The following DLG2 variants were observed in gnomAD, a reference collection of about 807,000 sequenced individuals.
DLG2 encodes the protein discs large MAGUK scaffold protein 2.
A neutral mutation model predicts 132.5 loss-of-function variants in DLG2; 45 were observed. The ratio of observed to expected loss-of-function variants is 0.34; its 90% CI spans 0.27 to 0.44. The LOEUF is 0.44. Among genes scored for constraint, DLG2 ranks in the 20% least tolerant of loss-of-function variants. The pLI is 1.00. For synonymous variants in DLG2, 424 were observed against 419.6 expected, an observed-to-expected ratio of 1.01 and a Z score of -0.13; for missense variants, 1,045 against 1,196.9, an observed-to-expected ratio of 0.87 and a Z score of 1.87.
intron 3 of DLG2, among the ~76,000 whole-genome samples, chr11:85,501,082 T>C (rs894701862): frequency 4.6e-5 from 7 of 151,848 alleles, no homozygotes; most frequent in East Asian, 1.9e-4. Context: ...TATAAACCAA[T>C]GGAATAGAAC....
intron 6 of DLG2, among the ~76,000 whole-genome samples, chr11:85,003,721 T>A (rs2058404465): frequency 6.6e-6 from 1 of 152,066 alleles, no homozygotes. Flanking sequence ...ATATTTAGAA[T>A]GTCTATTTTT....
chr11:85,200,284 G>A (rs1375788416), intron 4 of DLG2, among the ~76,000 whole-genome samples: 1 of 152,158 alleles, frequency 6.6e-6, no homozygotes, highest in Non-Finnish European at 1.5e-5. Flanking sequence ...TCTGACACGG[G>A]GTTGAGATGG....
chr11:83,482,987 A>T (rs2093243849), intron 22 of DLG2, among the ~76,000 whole-genome samples: 1 of 152,178 alleles, frequency 6.6e-6, no homozygotes, highest in Admixed American at 6.5e-5. Context: ...CATCAGGACC[A>T]TGTTGATAAT....
rs2099700764 is a variant in DLG2, at chr11:84,667,409, CAA to C, written c.358-132680_358-132679del. ...TATGAATTCATGTATCATTCTTAGA[CAA>C]AGTCTTTAAAATAAAAAAATTGAGA... On this transcript the variant is annotated intron_variant, in intron 6 of 27. Transcript: ENST00000376104. Among the ~76,000 whole-genome samples the C allele has an allele frequency of 2.7e-5, 4 of 147,698 alleles. No individual in the cohort carries two copies. In the South Asian group the frequency reaches 6.4e-4, roughly 24 times the overall value.
chr11:83,947,248 T>A (rs367701096), intron 14 of DLG2, among the ~76,000 whole-genome samples: 2 of 149,518 alleles, frequency 1.3e-5, no homozygotes, highest in African/African-American at 2.4e-5. Flanking sequence ...ATTTTTTTTT[T>A]AAGTTTTTAA....
At chr11:85,335,558 A>G (rs1201539278) in intron 3 of DLG2, among the ~76,000 whole-genome samples, 2 of 147,400 alleles carry the variant, frequency 1.4e-5, no homozygotes, top group East Asian at 2.0e-4. Flanking sequence ...CTGATCTTCT[A>G]TTTCCATGTT....
chr11:83,627,753 G>A (rs1390581665), intron 19 of DLG2, among the ~76,000 whole-genome samples: 1 of 152,106 alleles, frequency 6.6e-6, no homozygotes, highest in Admixed American at 6.5e-5. Flanking sequence ...TAGGTCAAAT[G>A]GTATTTCTAG....
At chr11:84,016,779 A>G (rs1701644410) in intron 11 of DLG2, among the ~76,000 whole-genome samples, 3 of 152,088 alleles carry the variant, frequency 2.0e-5, no homozygotes, top group Admixed American at 1.3e-4. Flanking sequence ...AGAGGAAACA[A>G]AGGACAAGAG....
intron 17 of DLG2, among the ~76,000 whole-genome samples, chr11:83,822,911 AAAG>A (rs1485623241): frequency 6.6e-6 from 1 of 152,106 alleles, no homozygotes; most frequent in Non-Finnish European, 1.5e-5. Flanking sequence ...GCTTGTCATG[AAAG>A]AAGGAGGCCT....
At chr11:83,919,590 A>G (rs1221401422) in intron 15 of DLG2, among the ~76,000 whole-genome samples, 1 of 152,154 alleles carries the variant, frequency 6.6e-6, no homozygotes, top group African/African-American at 2.4e-5. Flanking sequence ...GAAACTCTCT[A>G]GGTCCAGTGG....
At chr11:84,891,353 A>C (rs761720652) in intron 6 of DLG2, among the ~76,000 whole-genome samples, 1 of 152,156 alleles carries the variant, frequency 6.6e-6, no homozygotes, top group Non-Finnish European at 1.5e-5. Context: ...ATCTTCAATA[A>C]ATGTGTTAAT....
At chr11:83,789,895 C>G in intron 17 of DLG2, 2 of 681,670 alleles carry the variant, frequency 2.9e-6, no homozygotes, top group Non-Finnish European at 4.4e-6. Flanking sequence ...ATTTTGATGG[C>G]AATGAAAGTT....
intron 6 of DLG2, among the ~76,000 whole-genome samples, chr11:85,078,472 G>C (rs1423383359): frequency 6.6e-6 from 1 of 151,776 alleles, no homozygotes; most frequent in African/African-American, 2.4e-5. Flanking sequence ...TGAAGTGAAG[G>C]AAAAGGGAAA....
chr11:85,561,562 G>A (rs114217302), intron 3 of DLG2, among the ~76,000 whole-genome samples: 2 of 151,654 alleles, frequency 1.3e-5, no homozygotes, highest in African/African-American at 4.8e-5. Context: ...TGAAGTAATA[G>A]TACAATGAAG....
intron 21 of DLG2, among the ~76,000 whole-genome samples, chr11:83,516,985 T>A (rs1466171127): frequency 2.0e-5 from 3 of 152,360 alleles, no homozygotes; most frequent in African/African-American, 7.2e-5. Context: ...CTTTGGTGAA[T>A]CTGACAATTA....
chr11:84,868,771 T>C (rs1420915430), intron 6 of DLG2, among the ~76,000 whole-genome samples: 1 of 152,106 alleles, frequency 6.6e-6, no homozygotes, highest in Non-Finnish European at 1.5e-5. Flanking sequence ...ACAAAACAAA[T>C]GACTACAAAG....
At chr11:83,774,245 G>A (rs1408398975) in intron 18 of DLG2, among the ~76,000 whole-genome samples, 1 of 152,168 alleles carries the variant, frequency 6.6e-6, no homozygotes, top group African/African-American at 2.4e-5. Flanking sequence ...GTTTTCTCAA[G>A]TTCCATTCCT....
At chr11:84,867,180 A>T (rs1197362615) in intron 6 of DLG2, among the ~76,000 whole-genome samples, 2 of 152,222 alleles carry the variant, frequency 1.3e-5, no homozygotes, top group African/African-American at 4.8e-5. Context: ...CAGTAGAGTG[A>T]GAGACACATA....
chr11:84,965,656 A>C (rs1183377288), intron 6 of DLG2, among the ~76,000 whole-genome samples: 1 of 152,140 alleles, frequency 6.6e-6, no homozygotes, highest in Non-Finnish European at 1.5e-5. Flanking sequence ...GAAAGTGAGG[A>C]GTCAGAAAAA....
Sources: gnomAD v4.1 joint callset for allele counts (sites outside exome capture counted in the v4.1 genomes callset) on GRCh38, gnomAD v4.1.1 for gene constraint, MANE v1.5 for transcripts, NCBI Gene and HGNC (gene_info 2026-07-23, HGNC 2026-07-21) for gene names.